Variants in EXOC6B observed in about 807,000 individuals in gnomAD.
The protein encoded by EXOC6B is exocyst complex component 6B, also known as SEC15 homolog B.
Under a neutral mutation model 113.5 loss-of-function variants are expected in EXOC6B, and 54 were observed. The observed-to-expected ratio is 0.48, with a 90% CI of 0.38 to 0.60. EXOC6B has a LOEUF of 0.60. EXOC6B is among the 20% of genes least tolerant of loss of function. EXOC6B has a pLI of 0.00. For missense variants in EXOC6B, 797 were observed against 977.5 expected, an observed-to-expected ratio of 0.82 and a Z score of 2.46; for synonymous variants, 357 against 339.0, an observed-to-expected ratio of 1.05 and a Z score of -0.58.
chr2:72,333,060 A>G (rs1688497922), intron 20 of EXOC6B, among the ~76,000 whole-genome samples: 1 of 152,144 alleles, frequency 6.6e-6, no homozygotes, highest in African/African-American at 2.4e-5. Flanking sequence ...AGACAGGTAT[A>G]AGTAGAAATT....
chr2:72,811,320 GA>G (rs961240173), intron 1 of EXOC6B, among the ~76,000 whole-genome samples: 6 of 148,888 alleles, frequency 4.0e-5, no homozygotes, highest in African/African-American at 1.5e-4. Context: ...CTGCTTAAAA[GA>G]AAAAAAAAGG....
At chr2:72,282,792 C>A (rs1685207286) in intron 20 of EXOC6B, among the ~76,000 whole-genome samples, 1 of 152,036 alleles carries the variant, frequency 6.6e-6, no homozygotes, top group Non-Finnish European at 1.5e-5. Context: ...ACAAAGTAGA[C>A]CCTTGGGCAA....
rs114986501 is a variant in EXOC6B, at chr2:72,184,992, C to T, written c.2197-805G>A. On this transcript the variant is annotated intron_variant, in intron 20 of 21. Coordinates refer to ENST00000272427, the MANE Select transcript of EXOC6B (RefSeq NM_015189.3). ...TCTGAGGGTGAGCTGAGTTCTGACA[C>T]GGGAGATTTTGACTGAGAGAAACTA... Among the ~76,000 whole-genome samples, 573 of 152,300 alleles carry T rather than the reference C, an allele frequency of 3.8e-3. 9 individuals carry two copies. The highest frequency in any genetic ancestry group is 0.013 in the African/African-American group (557 of 41,564).
intron 6 of EXOC6B, among the ~76,000 whole-genome samples, chr2:72,618,735 C>A (rs989933791): frequency 3.3e-5 from 5 of 152,140 alleles, no homozygotes; most frequent in African/African-American, 1.2e-4. Context: ...CTTGCTTAAC[C>A]TACATCCATT....
intron 20 of EXOC6B, among the ~76,000 whole-genome samples, chr2:72,273,657 C>G (rs1047455621): frequency 3.9e-5 from 6 of 152,032 alleles, no homozygotes; most frequent in Admixed American, 3.9e-4. Flanking sequence ...GCTTGGGGAA[C>G]AGCAACACAT....
chr2:72,408,164 T>A (rs1035190997), intron 18 of EXOC6B, among the ~76,000 whole-genome samples: 8 of 152,084 alleles, frequency 5.3e-5, no homozygotes, highest in Non-Finnish European at 1.0e-4. Context: ...ACAAGGGACG[T>A]GAAGGACCTC....
At chr2:72,479,737 T>C (rs570956897) in intron 17 of EXOC6B, among the ~76,000 whole-genome samples, 168 of 152,306 alleles carry the variant, frequency 1.1e-3, no homozygotes, top group Middle Eastern at 3.4e-3. Flanking sequence ...CTATAGCATT[T>C]ACTCTCCAGA....
chr2:72,495,518 G>C lies in EXOC6B; in HGVS notation c.1465C>G (p.Pro489Ala), dbSNP rs776422975. The change falls in exon 15 of 22, where the codon CCT (proline) becomes GCT (alanine). Residue 489 changes from proline (P) to alanine (A), a missense_variant. Pro to Ala is a conservative substitution (Grantham distance 27, BLOSUM62 -1). Transcript: ENST00000272427. ...ACTTTTGGCACAAATTCAGAGAAAG[G>C]AAACTTTTTTGGAAATGGTTGCTGT... ...LEKQPFPKKFPFSEFVPKVYN... is the reference protein window; with the variant it reads ...LEKQPFPKKFAFSEFVPKVYN... 2 of 1,606,676 alleles carry C rather than the reference G, an allele frequency of 1.2e-6. No individual in the cohort carries two copies. The highest frequency in any genetic ancestry group is 2.2e-5 in the South Asian group (2 of 89,856).
At chr2:72,367,761 C>T (rs1690725101) in intron 19 of EXOC6B, among the ~76,000 whole-genome samples, 1 of 152,164 alleles carries the variant, frequency 6.6e-6, no homozygotes, top group African/African-American at 2.4e-5. Flanking sequence ...GGGGACTTTA[C>T]ATTGAACTCA....
intron 7 of EXOC6B, among the ~76,000 whole-genome samples, chr2:72,560,731 C>T (rs1429303304): frequency 6.6e-6 from 1 of 151,804 alleles, no homozygotes; most frequent in Non-Finnish European, 1.5e-5. Context: ...TATTTAAGTT[C>T]CTTGATAGCA....
intron 20 of EXOC6B, among the ~76,000 whole-genome samples, chr2:72,312,849 T>C (rs1420029424): frequency 1.3e-5 from 2 of 148,802 alleles, no homozygotes; most frequent in African/African-American, 4.9e-5. Flanking sequence ...TTATCTAACC[T>C]AATTTTTTCA....
At chr2:72,748,061 G>A (rs1253550854) in intron 1 of EXOC6B, among the ~76,000 whole-genome samples, 1 of 151,968 alleles carries the variant, frequency 6.6e-6, no homozygotes, top group African/African-American at 2.4e-5. Flanking sequence ...AACTGATGAG[G>A]ATTTCTAGTT....
At chr2:72,390,695 AC>A in intron 18 of EXOC6B, among the ~76,000 whole-genome samples, 1 of 152,264 alleles carries the variant, frequency 6.6e-6, no homozygotes, top group East Asian at 1.9e-4. Context: ...GCTGCTTTAG[AC>A]CCATGACTAG....
intron 7 of EXOC6B, among the ~76,000 whole-genome samples, chr2:72,573,737 T>C (rs941828800): frequency 5.3e-5 from 8 of 152,172 alleles, no homozygotes; most frequent in African/African-American, 1.4e-4. Context: ...CCTAGTACAA[T>C]ATAAACTTTA....
At chr2:72,487,762 T>C (rs1558721570) in intron 16 of EXOC6B, among the ~76,000 whole-genome samples, 1 of 152,200 alleles carries the variant, frequency 6.6e-6, no homozygotes, top group Non-Finnish European at 1.5e-5. Context: ...CTCATGGGTT[T>C]AGGGAGGGAG....
intron 6 of EXOC6B, among the ~76,000 whole-genome samples, chr2:72,580,018 G>A (rs531275529): frequency 1.3e-5 from 2 of 151,294 alleles, no homozygotes; most frequent in Non-Finnish European, 2.9e-5. Flanking sequence ...GCTGCCACAA[G>A]GCTTAAATGA....
At chr2:72,821,644 T>C (rs1329026013) in intron 1 of EXOC6B, among the ~76,000 whole-genome samples, 2 of 152,012 alleles carry the variant, frequency 1.3e-5, no homozygotes, top group Non-Finnish European at 2.9e-5. Context: ...TAAAAAGAAA[T>C]TAAGTACTGA....
At chr2:72,516,225 T>C (rs887995500) in intron 8 of EXOC6B, among the ~76,000 whole-genome samples, 5 of 152,122 alleles carry the variant, frequency 3.3e-5, no homozygotes, top group Non-Finnish European at 7.4e-5. Flanking sequence ...ACCCCACTTA[T>C]TACTGAATTC....
rs538021874 is a variant in EXOC6B at position 72,276,959 on chromosome 2, G to A, written c.2196+57988C>T. 1.3e-3 allele frequency among the ~76,000 whole-genome samples: 196 copies of A among 152,152 alleles called. 2 individuals are homozygous for A. The highest frequency in any genetic ancestry group is 4.5e-3 in the African/African-American group (188 of 41,522). ...CCTTGTCAATCTTCTTTGATAAAAC[G>A]ACAATTTCTATACTGTTCACTCATT... On this transcript the variant is annotated intron_variant, in intron 20 of 21. Transcript: ENST00000272427.
Sources: gnomAD v4.1 joint callset for allele counts (sites outside exome capture counted in the v4.1 genomes callset) on GRCh38, gnomAD v4.1.1 for gene constraint, MANE v1.5 for transcripts, NCBI Gene and HGNC (gene_info 2026-07-23, HGNC 2026-07-21) for gene names.